The following ANKRD62 variants were observed in gnomAD, a reference collection of about 807,000 sequenced individuals.
ANKRD62 encodes the protein ankyrin repeat domain-containing protein 62.
Under a neutral mutation model 98.8 loss-of-function variants are expected in ANKRD62, and 61 were observed. That is an observed-to-expected ratio of 0.62 (90% CI 0.50 to 0.76). ANKRD62 has a LOEUF of 0.76. ANKRD62 is among the 30% of genes least tolerant of loss of function. The pLI is 0.00. For missense variants in ANKRD62, 933 were observed against 1,082.9 expected (o/e 0.86, Z 1.94); for synonymous variants, 341 against 367.9 (o/e 0.93, Z 0.84).
At chr18:12,136,502 G>C in the ANKRD62 span, among the ~76,000 whole-genome samples, 2 of 152,086 alleles carry the variant, frequency 1.3e-5, no homozygotes, top group Non-Finnish European at 2.9e-5. Flanking sequence ...TGTTCTTTAG[G>C]CTTAGGATTG....
chr18:12,101,877 G>T (rs1909307048), intron 6 of ANKRD62: 1 of 658,002 alleles, frequency 1.5e-6, no homozygotes, highest in Non-Finnish European at 2.8e-6. Context: ...AGAGAAGAAG[G>T]CTGTCCACCA....
At chr18:12,171,015 T>C in the ANKRD62 span, among the ~76,000 whole-genome samples, 1 of 151,946 alleles carries the variant, frequency 6.6e-6, no homozygotes, top group Non-Finnish European at 1.5e-5. Flanking sequence ...TCCCTTTATT[T>C]TGAGCGTATG....
chr18:12,095,109 C>T (rs1396595071), intron 1 of ANKRD62, 62 bp from the exon 2 acceptor site: 19 of 1,121,546 alleles, frequency 1.7e-5, no homozygotes, highest in East Asian at 2.6e-5. Context: ...CAATTGCATG[C>T]GTCGTTGTAT....
At chr18:12,132,983 A>G (rs955018243), downstream of ANKRD62, among the ~76,000 whole-genome samples, 13 of 152,170 alleles carry the variant, frequency 8.5e-5, no homozygotes, top group Non-Finnish European at 1.5e-4. Flanking sequence ...CATTAAGTAC[A>G]TTCACAATGT....
chr18:12,169,275 A>T, the ANKRD62 span, among the ~76,000 whole-genome samples: 1 of 152,194 alleles, frequency 6.6e-6, no homozygotes, highest in East Asian at 1.9e-4. Flanking sequence ...GGTTTATCAT[A>T]GATAGCTCTT....
At chr18:12,119,200 T>G (rs74403748) in intron 10 of ANKRD62, among the ~76,000 whole-genome samples, 3 of 152,210 alleles carry the variant, frequency 2.0e-5, no homozygotes, top group African/African-American at 4.8e-5. Flanking sequence ...GGTTTTTTTT[T>G]GTATCTGTAC....
chr18:12,150,781 C>T, the ANKRD62 span, among the ~76,000 whole-genome samples: 4 of 152,156 alleles, frequency 2.6e-5, no homozygotes, highest in South Asian at 2.1e-4. Flanking sequence ...CCAGACCTGC[C>T]TTACAAGAGA....
rs1416007775 is a variant in ANKRD62 at position 12,124,107 on chromosome 18, G to A, written c.1455-30G>A. 2.6e-6 allele frequency: 3 copies of A among 1,168,860 alleles called. No homozygotes were observed. The African/African-American group carries it at 4.7e-5, about 18-fold the overall frequency. The allele number at this position is 1,168,860 out of a possible 1,614,324, so 72.4% of individuals were successfully genotyped here. A position where few individuals can be genotyped will look rare whatever the true frequency, so the allele number is the denominator to read the frequency against. On this transcript the variant is annotated intron_variant, in intron 11 of 13. Coordinates refer to ENST00000587848, the MANE Select transcript of ANKRD62 (RefSeq NM_001277333.2). ...AGCATATGAGTGTTTTGTTTTTAAA[G>A]GCTTTTAAGATAAGTATATTTAACT...
At chr18:12,126,990 T>A (rs1362841509) in intron 13 of ANKRD62, among the ~76,000 whole-genome samples, 1 of 152,216 alleles carries the variant, frequency 6.6e-6, no homozygotes, top group Non-Finnish European at 1.5e-5. Flanking sequence ...TACATTATAA[T>A]ATGGGGAAAA....
intron 6 of ANKRD62, chr18:12,102,351 G>T: frequency 1.6e-6 from 1 of 644,332 alleles, no homozygotes; most frequent in Non-Finnish European, 2.9e-6. Flanking sequence ...CACCATTCGG[G>T]GGTAGGTCGG....
chr18:12,100,103 G>A (rs1909267008), intron 6 of ANKRD62, among the ~76,000 whole-genome samples: 1 of 151,920 alleles, frequency 6.6e-6, no homozygotes, highest in Non-Finnish European at 1.5e-5. Context: ...GGGATTTAGG[G>A]GTACCAGTCC....
chr18:12,137,603 C>G, the ANKRD62 span, among the ~76,000 whole-genome samples: 93,321 of 151,932 alleles, frequency 0.61, 29,087 homozygotes, highest in Middle Eastern at 0.76. Flanking sequence ...CTATTGGTTG[C>G]AATAGTTTCA....
chr18:12,169,976 TC>T, the ANKRD62 span, among the ~76,000 whole-genome samples: 1 of 152,214 alleles, frequency 6.6e-6, no homozygotes, highest in Non-Finnish European at 1.5e-5. Flanking sequence ...AGTGGTGATA[TC>T]CCCTTTATCA....
At chr18:12,164,220 A>G in the ANKRD62 span, among the ~76,000 whole-genome samples, 21 of 151,856 alleles carry the variant, frequency 1.4e-4, no homozygotes, top group African/African-American at 4.6e-4. Context: ...TCATGATTCA[A>G]TCTTTGTAGA....
At chr18:12,138,724 G>A in the ANKRD62 span, among the ~76,000 whole-genome samples, 3 of 152,144 alleles carry the variant, frequency 2.0e-5, no homozygotes, top group Non-Finnish European at 2.9e-5. Context: ...ATGAATCTGG[G>A]TGCTCCTGTA....
intron 7 of ANKRD62, among the ~76,000 whole-genome samples, chr18:12,105,180 C>T (rs1169359476): frequency 6.6e-6 from 1 of 152,156 alleles, no homozygotes; most frequent in Non-Finnish European, 1.5e-5. Flanking sequence ...AAAGAAAAAG[C>T]GTAGTGTTTC....
intron 6 of ANKRD62, 136 bp from the exon 7 acceptor site, chr18:12,103,022 G>A (rs955726370): frequency 1.5e-6 from 1 of 661,082 alleles, no homozygotes; most frequent in African/African-American, 1.9e-5. Flanking sequence ...TAGATATATC[G>A]CTAAAGATTA....
Position 12,115,125 on chromosome 18 carries a change from T to G in ANKRD62, c.1098+4T>G. 1 of 1,407,200 alleles carries G rather than the reference T, an allele frequency of 7.1e-7. No homozygotes were observed. 87.2% of individuals were successfully genotyped at this position (1,407,200 alleles called of 1,614,324 possible). A position where few individuals can be genotyped will look rare whatever the true frequency, so the allele number is the denominator to read the frequency against. On this transcript the variant is annotated splice_donor_region_variant and intron_variant, in intron 9 of 13. Coordinates refer to ENST00000587848, the MANE Select transcript of ANKRD62 (RefSeq NM_001277333.2). ...AACCTCTAATGAAAAGAGCAAGGTA[T>G]TATAAAAGTAAATTGTCAAGAATGC...
intron 4 of ANKRD62, among the ~76,000 whole-genome samples, chr18:12,096,866 C>A (rs1185818327): frequency 6.6e-6 from 1 of 152,020 alleles, no homozygotes; most frequent in Non-Finnish European, 1.5e-5. Context: ...GTTTTTTCTT[C>A]TTTTTACTTC....
Sources: allele counts gnomAD v4.1 joint callset (sites outside exome capture counted in the v4.1 genomes callset), GRCh38; gene constraint gnomAD v4.1.1; transcripts MANE v1.5; gene names NCBI Gene and HGNC (gene_info 2026-07-23, HGNC 2026-07-21).